Variants in PCDH9 observed in about 807,000 individuals in gnomAD.
The protein encoded by PCDH9 is protocadherin-9.
Under a neutral mutation model 70.6 loss-of-function variants are expected in PCDH9, and 24 were observed. The observed-to-expected ratio is 0.34, with a 90% CI of 0.25 to 0.48. The LOEUF (loss-of-function observed/expected upper bound fraction) is 0.48. PCDH9 is among the 20% of genes least tolerant of loss of function. The probability of loss-of-function intolerance (pLI) is 0.99; values close to 1 mark genes in which losing one functional copy is unlikely to be tolerated. For synonymous variants in PCDH9, 562 were observed against 558.5 expected, an observed-to-expected ratio of 1.01 and a Z score of -0.09; for missense variants, 1,281 against 1,503.6, an observed-to-expected ratio of 0.85 and a Z score of 2.45.
intron 3 of PCDH9, among the ~76,000 whole-genome samples, chr13:66,779,035 C>T (rs933542248): frequency 1.3e-5 from 2 of 152,072 alleles, no homozygotes; most frequent in African/African-American, 4.8e-5. Flanking sequence ...TTCTATTTAT[C>T]TTAGTTTCAT....
intron 3 of PCDH9, among the ~76,000 whole-genome samples, chr13:66,802,646 A>G (rs1168686819): frequency 1.3e-5 from 2 of 152,140 alleles, no homozygotes; most frequent in Non-Finnish European, 2.9e-5. Flanking sequence ...TTCTCTCACA[A>G]GAGCCATTAA....
At chr13:67,201,446 T>C (rs997419079) in intron 2 of PCDH9, 9 of 152,150 alleles carry the variant, frequency 5.9e-5, no homozygotes, top group Non-Finnish European at 1.2e-4. Context: ...CAAATATAGG[T>C]ATTAAGATGC....
At chr13:66,992,879 G>A (rs867189653) in intron 2 of PCDH9, among the ~76,000 whole-genome samples, 1 of 147,648 alleles carries the variant, frequency 6.8e-6, no homozygotes, top group Non-Finnish European at 1.5e-5. Flanking sequence ...TGAAAGTGTT[G>A]CGTCACTTCA....
intron 2 of PCDH9, among the ~76,000 whole-genome samples, chr13:66,981,593 C>G (rs532434306): frequency 8.1e-4 from 123 of 151,706 alleles, no homozygotes; most frequent in African/African-American, 2.8e-3. Context: ...CTTATTAGAT[C>G]CTATTAATTA....
intron 4 of PCDH9, among the ~76,000 whole-genome samples, chr13:66,624,975 A>G (rs2077479448): frequency 6.6e-6 from 1 of 151,788 alleles, no homozygotes. Flanking sequence ...GCCTAATGTA[A>G]TAACCACCCA....
chr13:66,918,671 AC>A (rs1472368701), intron 2 of PCDH9, among the ~76,000 whole-genome samples: 2 of 151,178 alleles, frequency 1.3e-5, no homozygotes, highest in East Asian at 3.9e-4. Flanking sequence ...AATAAAATAG[AC>A]CCACTATTTT....
At chr13:66,911,346 G>A (rs1376211693) in intron 2 of PCDH9, among the ~76,000 whole-genome samples, 1 of 152,126 alleles carries the variant, frequency 6.6e-6, no homozygotes, top group African/African-American at 2.4e-5. Context: ...ACATCTGGCT[G>A]TAAATTCCTT....
chr13:66,494,666 A>C (rs1959085347), intron 4 of PCDH9, among the ~76,000 whole-genome samples: 1 of 152,178 alleles, frequency 6.6e-6, no homozygotes, highest in African/African-American at 2.4e-5. Context: ...AGGTATGTAC[A>C]TTTTAAAAAT....
chr13:66,536,692 A>C (rs1286464025), intron 4 of PCDH9, among the ~76,000 whole-genome samples: 1 of 152,184 alleles, frequency 6.6e-6, no homozygotes, highest in East Asian at 1.9e-4. Context: ...TGAAAATTGG[A>C]TGAATGGAAT....
intron 3 of PCDH9, among the ~76,000 whole-genome samples, chr13:66,847,799 A>C (rs1246585147): frequency 6.6e-6 from 1 of 152,216 alleles, no homozygotes; most frequent in Non-Finnish European, 1.5e-5. Flanking sequence ...GCCCAGAGAC[A>C]GAAGATGCAC....
At chr13:66,699,076 G>A (rs1016197097) in intron 3 of PCDH9, among the ~76,000 whole-genome samples, 2 of 151,452 alleles carry the variant, frequency 1.3e-5, no homozygotes, top group Non-Finnish European at 2.9e-5. Context: ...CATCATGTCC[G>A]GCTAATTTTT....
chr13:67,099,937 T>C (rs961387676), intron 2 of PCDH9, among the ~76,000 whole-genome samples: 4 of 152,206 alleles, frequency 2.6e-5, no homozygotes, highest in African/African-American at 9.6e-5. Context: ...CCATGCTCCA[T>C]GGCACCGTAT....
intron 4 of PCDH9, among the ~76,000 whole-genome samples, chr13:66,420,875 A>G (rs1214204872): frequency 6.6e-6 from 1 of 152,088 alleles, no homozygotes; most frequent in African/African-American, 2.4e-5. Context: ...GTGGGTAATT[A>G]CAAACTCCTC....
intron 4 of PCDH9, among the ~76,000 whole-genome samples, chr13:66,553,033 G>T (rs1258071306): frequency 6.6e-6 from 1 of 152,062 alleles, no homozygotes; most frequent in Non-Finnish European, 1.5e-5. Context: ...TTGCATGAGG[G>T]TAACCACTCC....
intron 4 of PCDH9, among the ~76,000 whole-genome samples, chr13:66,528,524 T>A (rs1480913650): frequency 1.3e-5 from 2 of 152,140 alleles, no homozygotes; most frequent in Non-Finnish European, 2.9e-5. Flanking sequence ...ACACATAAAA[T>A]GTGAGTGCCT....
intron 4 of PCDH9, among the ~76,000 whole-genome samples, chr13:66,424,135 C>T (rs533335615): frequency 3.2e-4 from 49 of 152,138 alleles, no homozygotes; most frequent in African/African-American, 1.1e-3. Flanking sequence ...TGAAGGGCCT[C>T]CTCAATGAAA....
chr13:66,345,893 A>C (rs1485660701), intron 4 of PCDH9, among the ~76,000 whole-genome samples: 6 of 152,144 alleles, frequency 3.9e-5, no homozygotes, highest in Non-Finnish European at 7.3e-5. Flanking sequence ...TGAGGAAAAG[A>C]CCCCAGTGAG....
At chr13:66,618,131 CCT>C (rs1317716723) in intron 4 of PCDH9, among the ~76,000 whole-genome samples, 1 of 152,086 alleles carries the variant, frequency 6.6e-6, no homozygotes, top group Non-Finnish European at 1.5e-5. Flanking sequence ...AGTGAGAGTC[CCT>C]GTTTCCCCCC....
chr13:67,100,019 A>G (rs2086399840), intron 2 of PCDH9, among the ~76,000 whole-genome samples: 1 of 152,192 alleles, frequency 6.6e-6, no homozygotes, highest in African/African-American at 2.4e-5. Flanking sequence ...AACTATGTTT[A>G]AAAGAAAATA....
Sources: gnomAD v4.1 joint callset for allele counts (sites outside exome capture counted in the v4.1 genomes callset) on GRCh38, gnomAD v4.1.1 for gene constraint, MANE v1.5 for transcripts, NCBI Gene and HGNC (gene_info 2026-07-23, HGNC 2026-07-21) for gene names.